GAB2: variants seen among roughly 807,000 people sequenced by gnomAD.
GAB2 encodes GRB2-associated-binding protein 2.
A neutral mutation model predicts 65.5 loss-of-function variants in GAB2; 26 were observed. That is an observed-to-expected ratio of 0.40 (90% confidence interval 0.29 to 0.55). The LOEUF (loss-of-function observed/expected upper bound fraction) is 0.55. Ranked by LOEUF, GAB2 falls within the 20% of genes least tolerant of loss-of-function variation. The pLI is 0.53. For synonymous variants in GAB2, 321 were observed against 329.6 expected, an observed-to-expected ratio of 0.97 and a Z score of 0.28; for missense variants, 884 against 875.8, an observed-to-expected ratio of 1.01 and a Z score of -0.12.
chr11:78,358,809 A>C (rs1417495366), intron 1 of GAB2, among the ~76,000 whole-genome samples: 1 of 152,350 alleles, frequency 6.6e-6, no homozygotes, highest in South Asian at 2.1e-4. Context: ...CGTATCTTCA[A>C]AGACTTCACA....
In GAB2 at chr11:78,292,673, A is replaced by C. The variant is rs190172687; in HGVS notation, c.76-11772T>G. Among the ~76,000 whole-genome samples the C allele has an allele frequency of 3.7e-4, 56 of 152,372 alleles. No individual in the cohort carries two copies. In the East Asian group the frequency reaches 9.6e-3, roughly 26 times the overall value. ...TACAAGAGTACAGTGGGAGTCATGT[A>C]ACAGTTACACATTTTTGAAGGCACA... On this transcript the variant is annotated intron_variant, in intron 1 of 9. Transcript: ENST00000361507.
At chr11:78,353,626 A>C (rs546361663) in intron 1 of GAB2, among the ~76,000 whole-genome samples, 7 of 152,374 alleles carry the variant, frequency 4.6e-5, no homozygotes, top group African/African-American at 1.7e-4. Context: ...CACTAGCAAC[A>C]TATGTCTACT....
At chr11:78,309,831 G>A (rs762349550) in intron 1 of GAB2, among the ~76,000 whole-genome samples, 2 of 152,012 alleles carry the variant, frequency 1.3e-5, no homozygotes, top group Non-Finnish European at 2.9e-5. Context: ...AGGGACTCAA[G>A]TCAACAGAGA....
intron 3 of GAB2, among the ~76,000 whole-genome samples, chr11:78,247,822 C>A (rs1002293950): frequency 2.0e-4 from 30 of 152,164 alleles, no homozygotes; most frequent in Non-Finnish European, 7.3e-5. Context: ...TCCTTCCTAC[C>A]CTCCCAACTT....
At chr11:78,267,637 T>A (rs1159378031) in intron 2 of GAB2, among the ~76,000 whole-genome samples, 3 of 151,898 alleles carry the variant, frequency 2.0e-5, no homozygotes, top group African/African-American at 7.3e-5. Context: ...GGCGGGTAGA[T>A]GACGAGGTCA....
chr11:78,323,799 T>C (rs888278618), intron 1 of GAB2, among the ~76,000 whole-genome samples: 3 of 140,654 alleles, frequency 2.1e-5, no homozygotes, highest in Non-Finnish European at 3.1e-5. Flanking sequence ...TCTTTTTTTT[T>C]TTTTTTTTTT....
chr11:78,339,591 G>T (rs747201981), intron 1 of GAB2, among the ~76,000 whole-genome samples: 6 of 152,180 alleles, frequency 3.9e-5, no homozygotes, highest in Non-Finnish European at 4.4e-5. Context: ...AGCTGTTAAG[G>T]TTCTCATGAA....
chr11:78,303,974 A>G (rs527781215), intron 1 of GAB2, among the ~76,000 whole-genome samples: 2 of 152,304 alleles, frequency 1.3e-5, no homozygotes, highest in East Asian at 3.9e-4. Context: ...AGATTTAGTG[A>G]AAATCAGGGC....
intron 1 of GAB2, among the ~76,000 whole-genome samples, chr11:78,328,338 G>A (rs1368014940): frequency 6.6e-6 from 1 of 152,124 alleles, no homozygotes; most frequent in Non-Finnish European, 1.5e-5. Context: ...AGCCGCGGAA[G>A]GCTTTTTAAA....
At chr11:78,336,895 A>G (rs1367017301) in intron 1 of GAB2, among the ~76,000 whole-genome samples, 1 of 152,244 alleles carries the variant, frequency 6.6e-6, no homozygotes, top group African/African-American at 2.4e-5. Flanking sequence ...GAAGTGATAT[A>G]TATTGAACTA....
At chr11:78,403,452 A>G (rs1591091008) in intron 1 of GAB2, among the ~76,000 whole-genome samples, 1 of 152,234 alleles carries the variant, frequency 6.6e-6, no homozygotes, top group South Asian at 2.1e-4. Context: ...GACAGAAGTC[A>G]CCTTTGACAA....
At chr11:78,370,114 G>A (rs965304536) in intron 1 of GAB2, among the ~76,000 whole-genome samples, 4 of 151,232 alleles carry the variant, frequency 2.6e-5, no homozygotes, top group South Asian at 2.1e-4. Flanking sequence ...AAAATTAGCC[G>A]GGCGTAGTGG....
intron 1 of GAB2, among the ~76,000 whole-genome samples, chr11:78,393,045 T>C (rs555852358): frequency 6.6e-6 from 1 of 152,276 alleles, no homozygotes; most frequent in African/African-American, 2.4e-5. Flanking sequence ...TGCAACATCA[T>C]AGGAGCTGCA....
At chr11:78,339,070 G>A (rs192589303) in intron 1 of GAB2, among the ~76,000 whole-genome samples, 3 of 152,156 alleles carry the variant, frequency 2.0e-5, no homozygotes, top group Admixed American at 2.0e-4. Context: ...TTATAGGCAT[G>A]TGTCACCACA....
chr11:78,415,939 CT>C (rs1303081510), intron 1 of GAB2, among the ~76,000 whole-genome samples: 1,728 of 128,976 alleles, frequency 0.013, 27 homozygotes, highest in African/African-American at 0.037. Context: ...TTAAGGGTCA[CT>C]TTTTTTTTTT....
rs111914654 is a variant in GAB2, at chr11:78,405,212, C to T, written c.75+12434G>A. On this transcript the variant is annotated intron_variant, in intron 1 of 9. Transcript: ENST00000361507. ...CTCCCCGGTTCACGCCATTCTCCTG[C>T]CTCAGACTCCTGAGGAGCTGGAACT... Among the ~76,000 whole-genome samples, 503 of 151,520 alleles carry T rather than the reference C, an allele frequency of 3.3e-3. 1 individual carries two copies. Among genetic ancestry groups the T allele is most frequent in the African/African-American group, 0.011 (465 of 41,354 alleles).
At chr11:78,353,994 G>A (rs1318518084) in intron 1 of GAB2, among the ~76,000 whole-genome samples, 1 of 152,238 alleles carries the variant, frequency 6.6e-6, no homozygotes, top group Non-Finnish European at 1.5e-5. Context: ...CTCTGGCTTG[G>A]GGGCCTGAGA....
chr11:78,220,876 T>C (rs1488500302), intron 8 of GAB2, among the ~76,000 whole-genome samples: 5 of 152,178 alleles, frequency 3.3e-5, no homozygotes, highest in Non-Finnish European at 7.3e-5. Context: ...ACATTTCCTT[T>C]ATGCACTGGA....
chr11:78,303,072 A>G (rs959880980), intron 1 of GAB2, among the ~76,000 whole-genome samples: 16 of 152,224 alleles, frequency 1.1e-4, no homozygotes, highest in Admixed American at 3.3e-4. Flanking sequence ...TGATGGACAG[A>G]AGACCACAAA....
Sources: gnomAD v4.1 joint callset for allele counts (sites outside exome capture counted in the v4.1 genomes callset) on GRCh38, gnomAD v4.1.1 for gene constraint, MANE v1.5 for transcripts, NCBI Gene and HGNC (gene_info 2026-07-23, HGNC 2026-07-21) for gene names.